The following PTPRK variants were observed in gnomAD, a reference collection of about 807,000 sequenced individuals.
The protein encoded by PTPRK is protein tyrosine phosphatase receptor type K.
PTPRK carries 75 observed loss-of-function variants against 178.0 expected under a neutral mutation model. That is an observed-to-expected ratio of 0.42 (90% CI 0.35 to 0.51). The LOEUF (loss-of-function observed/expected upper bound fraction) is 0.51. Among genes scored for constraint, PTPRK ranks in the 20% least tolerant of loss-of-function variants. The pLI is 0.02. For synonymous variants in PTPRK, 637 were observed against 620.6 expected, an observed-to-expected ratio of 1.03 and a Z score of -0.39; for missense variants, 1,441 against 1,797.8, an observed-to-expected ratio of 0.80 and a Z score of 3.59.
intron 1 of PTPRK, among the ~76,000 whole-genome samples, chr6:128,427,575 C>G (rs1329789125): frequency 6.6e-6 from 1 of 152,218 alleles, no homozygotes; most frequent in African/African-American, 2.4e-5. Context: ...GACAATGTAA[C>G]ATATGAACAT....
At chr6:128,112,899 A>C (rs1304030491) in intron 7 of PTPRK, among the ~76,000 whole-genome samples, 1 of 152,080 alleles carries the variant, frequency 6.6e-6, no homozygotes, top group Non-Finnish European at 1.5e-5. Context: ...TCGGTAACTG[A>C]ATTCATCTTT....
chr6:128,221,480 C>A (rs1161666419), intron 5 of PTPRK, among the ~76,000 whole-genome samples: 6 of 150,748 alleles, frequency 4.0e-5, no homozygotes, highest in Admixed American at 2.0e-4. Context: ...GCCGAGATCA[C>A]GCCACTGCAC....
chr6:128,401,425 G>A (rs1841002169), intron 1 of PTPRK, among the ~76,000 whole-genome samples: 1 of 152,146 alleles, frequency 6.6e-6, no homozygotes, highest in African/African-American at 2.4e-5. Flanking sequence ...CTCTATGAGA[G>A]AACACGGAAC....
chr6:128,076,966 G>A (rs1452015437), intron 11 of PTPRK, among the ~76,000 whole-genome samples: 1 of 151,958 alleles, frequency 6.6e-6, no homozygotes, highest in Admixed American at 6.6e-5. Context: ...ATCAATGTTT[G>A]TGGAAAAAAT....
intron 7 of PTPRK, among the ~76,000 whole-genome samples, chr6:128,106,091 A>G (rs1789672840): frequency 6.6e-6 from 1 of 152,208 alleles, no homozygotes; most frequent in Non-Finnish European, 1.5e-5. Context: ...TCCCAAATCT[A>G]TGAAATGAGA....
At chr6:128,095,517 T>C (rs1787765584) in intron 7 of PTPRK, among the ~76,000 whole-genome samples, 1 of 151,946 alleles carries the variant, frequency 6.6e-6, no homozygotes, top group South Asian at 2.1e-4. Context: ...GAGGAAGGGG[T>C]TCATTGGCCC....
chr6:128,378,461 GATTTTCTCTTGGTT>G (rs1837419204), intron 2 of PTPRK, among the ~76,000 whole-genome samples: 1 of 152,034 alleles, frequency 6.6e-6, no homozygotes, highest in South Asian at 2.1e-4. Flanking sequence ...GATTGATGGT[GATTTTCTCTTGGTT>G]ATGAGACTTA....
intron 11 of PTPRK, among the ~76,000 whole-genome samples, chr6:128,073,275 T>C (rs909486620): frequency 1.3e-5 from 2 of 151,984 alleles, no homozygotes; most frequent in African/African-American, 4.8e-5. Context: ...GTCTCTGTTC[T>C]CATGAAGTTT....
chr6:128,435,102 A>AAGGAAGGAAGGAAGGAAGGC (rs1845397784), intron 1 of PTPRK, among the ~76,000 whole-genome samples: 1 of 70,344 alleles, frequency 1.4e-5, no homozygotes, highest in Non-Finnish European at 2.7e-5. Context: ...GGAAGGAAGG[A>AAGGAAGGAAGGAAGGAAGGC]AGGAAGGCAG....
chr6:127,983,151 G>A (rs1775551810), intron 23 of PTPRK, 91 bp downstream of exon 23: 1 of 1,326,970 alleles, frequency 7.5e-7, no homozygotes, highest in Admixed American at 2.8e-5. Flanking sequence ...ATCTCTTTCG[G>A]TTGAGTAGAG....
chr6:128,444,866 A>C (rs1033300053), intron 1 of PTPRK, among the ~76,000 whole-genome samples: 1 of 152,190 alleles, frequency 6.6e-6, no homozygotes, highest in Non-Finnish European at 1.5e-5. Context: ...GAGCAGGTGA[A>C]ATTATTGAGA....
rs192500566 is a variant in PTPRK at position 128,139,484 on chromosome 6, C to T, written c.1162+44948G>A. ...TGCTTAAAGGTACCCTACTGAGAACCTAGATACAAAAACAGGTTTTAACAT... is the reference window on the plus strand; with the variant it reads ...TGCTTAAAGGTACCCTACTGAGAACTTAGATACAAAAACAGGTTTTAACAT... On this transcript the variant is annotated intron_variant, in intron 7 of 29. Transcript: ENST00000368226. Among the ~76,000 whole-genome samples the T allele has an allele frequency of 5.9e-5, 9 of 152,076 alleles. No individual in the cohort carries two copies. The East Asian group carries it at 1.5e-3, about 26-fold the overall frequency.
At chr6:128,290,244 G>A (rs1008772819) in intron 3 of PTPRK, among the ~76,000 whole-genome samples, 2 of 151,938 alleles carry the variant, frequency 1.3e-5, no homozygotes, top group African/African-American at 4.8e-5. Context: ...AAATGTTTAC[G>A]CATTACCACT....
chr6:128,007,084 A>G (rs1778520007), intron 14 of PTPRK, among the ~76,000 whole-genome samples: 1 of 150,842 alleles, frequency 6.6e-6, no homozygotes, highest in Non-Finnish European at 1.5e-5. Context: ...AACATTTTAT[A>G]TTAATAGTTT....
chr6:128,174,273 A>T (rs1018856484), intron 7 of PTPRK, among the ~76,000 whole-genome samples: 1 of 152,018 alleles, frequency 6.6e-6, no homozygotes, highest in Non-Finnish European at 1.5e-5. Flanking sequence ...AAAATGTTTA[A>T]TATTGTAAAC....
chr6:128,044,790 C>T (rs1777777950), intron 13 of PTPRK, among the ~76,000 whole-genome samples: 2 of 151,780 alleles, frequency 1.3e-5, no homozygotes, highest in Admixed American at 1.3e-4. Flanking sequence ...AATTATGTAT[C>T]AAAACTTCAA....
chr6:128,168,591 A>G (rs1406575238), intron 7 of PTPRK, among the ~76,000 whole-genome samples: 1 of 152,044 alleles, frequency 6.6e-6, no homozygotes, highest in East Asian at 1.9e-4. Context: ...GCGGCATTAG[A>G]TTCTCATGGG....
In PTPRK at chr6:128,242,583, A is replaced by C. The variant is rs765974469; in HGVS notation, c.515T>G (p.Val172Gly). 6.2e-7 allele frequency: 1 copy of C among 1,612,760 alleles called. No homozygotes were observed. The highest frequency in any genetic ancestry group is 1.7e-5 in the Admixed American group (1 of 59,916). The change falls in exon 4 of 30, where the codon GTC becomes GGC. Residue 172 changes from valine to glycine, a missense_variant. By Grantham distance (109) the Val-to-Gly change is moderately radical. This residue lies in a region of PTPRK where 945 missense variants were observed against 1,080.6 expected (regional missense o/e 0.87). Coordinates refer to ENST00000368226, the MANE Select transcript of PTPRK (RefSeq NM_002844.4). ...AATATAACCACTTCTCCCTCCTGAG[A>C]CTTCAGCTTCAAATATTACCTGTCA... ...NEYQVIFEAE[V>G]SGGRSGYIAI...
chr6:128,285,233 G>T (rs527656219), intron 3 of PTPRK, among the ~76,000 whole-genome samples: 13 of 152,332 alleles, frequency 8.5e-5, no homozygotes, highest in African/African-American at 2.9e-4. Flanking sequence ...TGTCATAGGA[G>T]GCCAGGCGTG....
Sources: allele counts gnomAD v4.1 joint callset (sites outside exome capture counted in the v4.1 genomes callset), GRCh38; gene constraint gnomAD v4.1.1; regional missense constraint gnomAD v4.1.1; transcripts MANE v1.5; gene names NCBI Gene and HGNC (gene_info 2026-07-23, HGNC 2026-07-21).